The following STAG2 variants were observed in gnomAD, a reference collection of about 807,000 sequenced individuals.
The protein encoded by STAG2 is cohesin subunit SA-2.
A neutral mutation model predicts 108.1 loss-of-function variants in STAG2; 14 were observed. That is an observed-to-expected ratio of 0.13 (90% CI 0.09 to 0.20). The LOEUF is 0.20. Ranked by LOEUF, STAG2 falls within the 10% of genes least tolerant of loss-of-function variation. The probability of loss-of-function intolerance (pLI) is 1.00; values close to 1 mark genes in which losing one functional copy is unlikely to be tolerated. For synonymous variants in STAG2, 307 were observed against 302.7 expected (o/e 1.01, Z -0.15); for missense variants, 440 against 940.9 (o/e 0.47, Z 6.96).
At position 124,027,206 on chromosome X, in the gene STAG2, A is replaced by G. The variant is rs200250140; in HGVS notation, c.123+1288A>G. On this transcript the variant is annotated intron_variant, in intron 4 of 34. Transcript: ENST00000371145. ...GTGCTGGGATTTACAGGTGTGAGCCACCACGCCTGGCCATTCTCTTGTGAT... is the reference window on the plus strand; with the variant it reads ...GTGCTGGGATTTACAGGTGTGAGCCGCCACGCCTGGCCATTCTCTTGTGAT... Among the ~76,000 whole-genome samples, 21 of 112,325 alleles carry G rather than the reference A, an allele frequency of 1.9e-4. No homozygotes were observed. The East Asian group carries it at 5.5e-3, about 30-fold the overall frequency.
At chrX:124,024,839 G>A (rs2057043058) in intron 3 of STAG2, among the ~76,000 whole-genome samples, 1 of 111,085 alleles carries the variant, frequency 9.0e-6, no homozygotes, top group Non-Finnish European at 1.9e-5. Flanking sequence ...ACACATTTAG[G>A]GTGGAAAAAC....
At position 124,045,151 on chromosome X, in the gene STAG2, A is replaced by AT. The variant is rs2057838095; in HGVS notation, c.463-8dup. The AT allele has an allele frequency of 8.3e-7, 1 of 1,202,369 alleles. No individual in the cohort carries two copies. The highest frequency in any genetic ancestry group is 2.2e-5 in the Admixed American group (1 of 45,507). On this transcript the variant is annotated splice_polypyrimidine_tract_variant and intron_variant, in intron 7 of 34. Coordinates refer to ENST00000371145, the MANE Select transcript of STAG2 (RefSeq NM_001042750.2). ...ATTCTAAATGAAATTGCTGTTTTAAATTTTTGTTTTAGGATAGTGGAGATT... is the reference window on the plus strand; with the variant it reads ...ATTCTAAATGAAATTGCTGTTTTAAATTTTTTGTTTTAGGATAGTGGAGATT...
At chrX:124,061,149 A>G in intron 15 of STAG2, 75 bp from the exon 16 acceptor site, 8 of 739,148 alleles carry the variant, frequency 1.1e-5, no homozygotes, top group Non-Finnish European at 1.6e-5. Context: ...GATGATGTCA[A>G]TAAAGTTTCC....
intron 8 of STAG2, 58 bp from the exon 9 acceptor site, chrX:124,047,296 T>C (rs1375502328): frequency 3.0e-6 from 3 of 1,009,121 alleles, no homozygotes; most frequent in Non-Finnish European, 4.0e-6. Context: ...TGATCTTAAA[T>C]TGTAAATTTT....
Position 124,033,027 on chromosome X carries a change from A to G in STAG2, c.288+1902A>G, listed in dbSNP as rs761943683. On this transcript the variant is annotated intron_variant, in intron 5 of 34. Transcript: ENST00000371145. Reference sequence around the variant, plus strand: ...TTGTTAATTGTTTGAGCTTTCGCCAATTTTACAGAGCAAAGAACTTAAAAG... The same window carrying G: ...TTGTTAATTGTTTGAGCTTTCGCCAGTTTTACAGAGCAAAGAACTTAAAAG... 4.4e-3 allele frequency among the ~76,000 whole-genome samples: 497 copies of G among 112,517 alleles called. 2 individuals carry two copies. The highest frequency in any genetic ancestry group is 6.2e-3 in the African/African-American group (192 of 31,060).
intron 25 of STAG2, among the ~76,000 whole-genome samples, chrX:124,072,691 G>GTTGGTTGT (rs777880990): frequency 1.9e-5 from 2 of 104,239 alleles, no homozygotes; most frequent in Non-Finnish European, 3.9e-5. Flanking sequence ...TGTTGTTGTT[G>GTTGGTTGT]TTGTTTGTTT....
chrX:123,990,236 A>G (rs1246762235), intron 1 of STAG2, among the ~76,000 whole-genome samples: 1 of 111,761 alleles, frequency 8.9e-6, no homozygotes, highest in Admixed American at 9.5e-5. Flanking sequence ...CCCCATGCAA[A>G]TGAAGTAGTG....
chrX:123,983,433 A>G (rs1358332909), intron 1 of STAG2, among the ~76,000 whole-genome samples: 1 of 111,242 alleles, frequency 9.0e-6, no homozygotes, highest in East Asian at 2.8e-4. Context: ...GGATGAGCTG[A>G]GTTCAAGTGT....
intron 25 of STAG2, among the ~76,000 whole-genome samples, chrX:124,072,855 C>T (rs1275137585): frequency 9.3e-6 from 1 of 107,477 alleles, no homozygotes; most frequent in Non-Finnish European, 1.9e-5. Flanking sequence ...TGCCCACCAC[C>T]ACGCCCAGCT....
chrX:124,071,687 G>A (rs903462135), intron 25 of STAG2, among the ~76,000 whole-genome samples: 5 of 111,989 alleles, frequency 4.5e-5, no homozygotes, highest in African/African-American at 1.6e-4. Context: ...ATACCAATAT[G>A]CAGATAATTT....
chrX:123,974,365 T>C (rs1047301519), intron 1 of STAG2, among the ~76,000 whole-genome samples: 5 of 108,059 alleles, frequency 4.6e-5, no homozygotes, highest in Non-Finnish European at 7.7e-5. Context: ...CCCAAGTAGT[T>C]GGGATTACAG....
intron 11 of STAG2, among the ~76,000 whole-genome samples, chrX:124,050,530 A>T (rs770264136): frequency 9.0e-6 from 1 of 111,282 alleles, no homozygotes; most frequent in Non-Finnish European, 1.9e-5. Context: ...ATGGTGAATC[A>T]TTTTTTTGCT....
chrX:123,992,841 A>G (rs967948933), intron 1 of STAG2, among the ~76,000 whole-genome samples: 3 of 110,821 alleles, frequency 2.7e-5, no homozygotes, highest in African/African-American at 9.9e-5. Flanking sequence ...TGCCTGTCCT[A>G]TGGTTTTAAC....
intron 33 of STAG2, among the ~76,000 whole-genome samples, 156 bp from the exon 34 acceptor site, chrX:124,095,216 C>T (rs192933891): frequency 0.016 from 1,781 of 112,316 alleles, 12 homozygotes; most frequent in South Asian, 0.034. Flanking sequence ...CGTGAGCCAC[C>T]GCACCCGGCT....
intron 7 of STAG2, among the ~76,000 whole-genome samples, chrX:124,043,671 G>T (rs766166948): frequency 2.2e-4 from 24 of 111,594 alleles, no homozygotes; most frequent in African/African-American, 7.8e-4. Context: ...GAAGGTTTCA[G>T]CAATATTTAG....
At chrX:123,998,221 T>C (rs1255803209) in intron 1 of STAG2, among the ~76,000 whole-genome samples, 1 of 100,768 alleles carries the variant, frequency 9.9e-6, no homozygotes, top group Non-Finnish European at 2.0e-5. Context: ...CAGGCTGGAG[T>C]GTGGTGGCAT....
At chrX:124,028,823 T>TATATA (rs1491294090) in intron 4 of STAG2, among the ~76,000 whole-genome samples, 73 of 50,579 alleles carry the variant, frequency 1.4e-3, no homozygotes, top group African/African-American at 5.1e-3. Context: ...TATATATATA[T>TATATA]TTTTTTTTTT....
Position 124,061,351 on chromosome X carries a change from TTTAA to T in STAG2, c.1534+14_1534+17del. 8.9e-7 allele frequency: 1 copy of T among 1,127,753 alleles called. No individual in the cohort carries two copies. Among genetic ancestry groups the T allele is most frequent in the Admixed American group, 2.2e-5 (1 of 44,600 alleles). The allele number at this position is 1,127,753 out of a possible 1,213,427, so 92.9% of individuals were successfully genotyped here. On this transcript the variant is annotated intron_variant, in intron 16 of 34. Transcript: ENST00000371145. ...CTTAGTGGAGAGGAAGGTAAGGATG[TTTAA>T]TTATGATATTTTTGTTTAGACAGTT...
At chrX:123,982,701 A>C (rs1246916539) in intron 1 of STAG2, among the ~76,000 whole-genome samples, 1 of 108,869 alleles carries the variant, frequency 9.2e-6, no homozygotes, top group African/African-American at 3.3e-5. Flanking sequence ...TTTACTTTTG[A>C]ATATGATGTG....
Sources: gnomAD v4.1 joint callset for allele counts (sites outside exome capture counted in the v4.1 genomes callset) on GRCh38, gnomAD v4.1.1 for gene constraint, MANE v1.5 for transcripts, NCBI Gene and HGNC (gene_info 2026-07-23, HGNC 2026-07-21) for gene names.